TLL1: variants seen among roughly 807,000 people sequenced by gnomAD.
The protein encoded by TLL1 is tolloid like 1.
Under a neutral mutation model 128.2 loss-of-function variants are expected in TLL1, and 49 were observed. The ratio of observed to expected loss-of-function variants is 0.38; its 90% CI spans 0.30 to 0.48. TLL1 has a LOEUF of 0.48. Among genes scored for constraint, TLL1 ranks in the 20% least tolerant of loss-of-function variants. The pLI is 0.96. For synonymous variants in TLL1, 454 were observed against 418.8 expected (o/e 1.08, Z -1.03); for missense variants, 1,123 against 1,242.0 (o/e 0.90, Z 1.44).
chr4:165,912,265 C>G (rs1463288345), intron 1 of TLL1, among the ~76,000 whole-genome samples: 1 of 152,160 alleles, frequency 6.6e-6, no homozygotes, highest in Admixed American at 6.5e-5. Context: ...TGACTGCGTT[C>G]CTGGTCTTAA....
At chr4:165,919,682 A>C (rs1414551133) in intron 1 of TLL1, among the ~76,000 whole-genome samples, 2 of 152,196 alleles carry the variant, frequency 1.3e-5, no homozygotes, top group African/African-American at 4.8e-5. Context: ...AATACAGCTT[A>C]TTCTAGGCTT....
intron 1 of TLL1, among the ~76,000 whole-genome samples, chr4:165,964,033 C>A (rs905322879): frequency 3.0e-4 from 45 of 152,156 alleles, no homozygotes; most frequent in African/African-American, 9.9e-4. Context: ...TTTTAGGCTA[C>A]ATTTGGCAGA....
intron 12 of TLL1, among the ~76,000 whole-genome samples, chr4:166,052,965 G>GTGTATGTATATATATATA: frequency 1.0e-5 from 1 of 99,648 alleles, no homozygotes; most frequent in Non-Finnish European, 2.1e-5. Context: ...GAGGTTATGT[G>GTGTATGTATATATATATA]TATATATATA....
intron 1 of TLL1, among the ~76,000 whole-genome samples, chr4:165,977,477 C>G (rs894128827): frequency 1.3e-5 from 2 of 152,058 alleles, no homozygotes; most frequent in Admixed American, 6.5e-5. Context: ...TATAAATTAC[C>G]CAGTCATGAA....
chr4:165,874,738 A>G lies in TLL1; in HGVS notation c.169+665A>G, dbSNP rs555163417. On this transcript the variant is annotated intron_variant, in intron 1 of 20. Transcript: ENST00000061240. ...AATTTGTGTCTTCCTTCCAGCTAAC[A>G]CCCCAGGGAAATGCAGTCGGACCGG... Among the ~76,000 whole-genome samples, 15 of 152,362 alleles carry G rather than the reference A, an allele frequency of 9.8e-5. No homozygotes were observed. The South Asian group carries it at 2.5e-3, about 25-fold the overall frequency.
chr4:165,973,224 A>G (rs1735707975), intron 1 of TLL1, among the ~76,000 whole-genome samples: 2 of 152,248 alleles, frequency 1.3e-5, no homozygotes, highest in Non-Finnish European at 1.5e-5. Context: ...GCTCAGTCTG[A>G]GTCCCAAAGC....
intron 18 of TLL1, 110 bp downstream of exon 18, chr4:166,078,140 G>A (rs1000139766): frequency 6.6e-7 from 1 of 1,526,522 alleles, no homozygotes; most frequent in Non-Finnish European, 8.9e-7. Flanking sequence ...ATCGTAGGCA[G>A]CTGGAAAAGA....
chr4:165,943,856 T>C (rs1734128321), intron 1 of TLL1, among the ~76,000 whole-genome samples: 1 of 152,164 alleles, frequency 6.6e-6, no homozygotes, highest in African/African-American at 2.4e-5. Context: ...ACAGTGTATA[T>C]TGGCTTCTGC....
At chr4:165,989,806 G>A (rs982128556) in intron 2 of TLL1, among the ~76,000 whole-genome samples, 1 of 151,640 alleles carries the variant, frequency 6.6e-6, no homozygotes, top group African/African-American at 2.4e-5. Context: ...TTAGAAATCA[G>A]CAGATTGAGA....
chr4:165,994,662 A>T, intron 4 of TLL1, 129 bp downstream of exon 4: 1 of 1,065,010 alleles, frequency 9.4e-7, no homozygotes, highest in South Asian at 1.5e-5. Flanking sequence ...CTACTTCATT[A>T]ACTTAGGTTA....
Position 166,059,135 on chromosome 4 carries a change from C to A in TLL1, c.1847-893C>A, listed in dbSNP as rs80323497. ...AAATACTTATCTTATCATAATTTACCAAGAAAGTGGTAAAAGTAACTACAG... is the reference window on the plus strand; with the variant it reads ...AAATACTTATCTTATCATAATTTACAAAGAAAGTGGTAAAAGTAACTACAG... On this transcript the variant is annotated intron_variant, in intron 14 of 20. Transcript: ENST00000061240. 5.7e-3 allele frequency among the ~76,000 whole-genome samples: 799 copies of A among 139,608 alleles called. 14 individuals carry two copies. The East Asian group carries it at 0.062, about 11-fold the overall frequency. 91.6% of individuals were successfully genotyped at this position (139,608 alleles called of 152,430 possible). A position where few individuals can be genotyped will look rare whatever the true frequency, so the allele number is the denominator to read the frequency against.
At chr4:165,952,973 TTTAC>T (rs993938616) in intron 1 of TLL1, among the ~76,000 whole-genome samples, 3 of 152,134 alleles carry the variant, frequency 2.0e-5, no homozygotes, top group Middle Eastern at 3.2e-3. Flanking sequence ...CTTGTGTACG[TTTAC>T]TTACTTCTAA....
intron 5 of TLL1, among the ~76,000 whole-genome samples, chr4:165,996,141 C>G (rs1370985692): frequency 6.6e-6 from 1 of 152,090 alleles, no homozygotes; most frequent in Non-Finnish European, 1.5e-5. Flanking sequence ...CATTCCTGAG[C>G]TGCCCACATT....
chr4:166,058,351 G>A (rs561492421), intron 14 of TLL1, among the ~76,000 whole-genome samples: 1 of 152,180 alleles, frequency 6.6e-6, no homozygotes, highest in East Asian at 1.9e-4. Flanking sequence ...TTATTAAAAT[G>A]AGAAGTCCTG....
intron 1 of TLL1, among the ~76,000 whole-genome samples, chr4:165,961,415 G>A (rs1735094594): frequency 6.6e-6 from 1 of 152,000 alleles, no homozygotes; most frequent in South Asian, 2.1e-4. Context: ...TACAGATTCA[G>A]CATGATTCCT....
rs376812506 is a variant in TLL1, at chr4:165,898,091, CTT to C, written c.169+24020_169+24021del. ...TGCACATTGATTTTGTATCCTGAGA[CTT>C]TGCTGAAGTTGCTTATCAGCTTAAT... is the stretch of plus-strand genomic sequence containing the variant. On this transcript the variant is annotated intron_variant, in intron 1 of 20. Coordinates refer to ENST00000061240, the MANE Select transcript of TLL1 (RefSeq NM_012464.5). Among the ~76,000 whole-genome samples, 363 of 152,278 alleles carry C rather than the reference CTT, an allele frequency of 2.4e-3. 2 individuals are homozygous for C. The East Asian group carries it at 0.043, about 18-fold the overall frequency.
At chr4:166,001,494 ACAT>A (rs1737148726) in intron 5 of TLL1, among the ~76,000 whole-genome samples, 1 of 152,034 alleles carries the variant, frequency 6.6e-6, no homozygotes, top group Admixed American at 6.6e-5. Flanking sequence ...GGATAGAAAA[ACAT>A]CATTTTTTCT....
In TLL1 at chr4:166,091,301, A is replaced by G. The variant is rs1050004711; in HGVS notation, c.2616A>G (p.Ala872=). ...TGTTTGTTCGGTTTGTTTCTGATGC[A>G]TCTGTTCAAAGAAAAGGCTTTCAAG... ...NKMFVRFVSD[A]SVQRKGFQAT... The change falls in exon 19 of 21, where the codon GCA becomes GCG. Residue 872 remains alanine (A), a synonymous_variant. Transcript: ENST00000061240. The G allele has an allele frequency of 7.4e-6, 12 of 1,612,882 alleles. No homozygotes were observed. In the Middle Eastern group the frequency reaches 4.9e-4, roughly 66 times the overall value.
At chr4:165,950,637 A>G (rs920475816) in intron 1 of TLL1, among the ~76,000 whole-genome samples, 1 of 152,086 alleles carries the variant, frequency 6.6e-6, no homozygotes, top group African/African-American at 2.4e-5. Context: ...GGAAATATTA[A>G]ATAACGTATA....
Sources: gnomAD v4.1 joint callset for allele counts (sites outside exome capture counted in the v4.1 genomes callset) on GRCh38, gnomAD v4.1.1 for gene constraint, MANE v1.5 for transcripts, NCBI Gene and HGNC (gene_info 2026-07-23, HGNC 2026-07-21) for gene names.